THTPA: variants seen among roughly 807,000 people sequenced by gnomAD.
THTPA encodes the protein thiamine triphosphatase, also known as thiamine-triphosphatase.
Under a neutral mutation model 16.5 loss-of-function variants are expected in THTPA, and 16 were observed. The observed-to-expected ratio is 0.97, with a 90% CI of 0.66 to 1.47. THTPA has a LOEUF of 1.47. Among genes scored for constraint, THTPA ranks in the 40% most tolerant of loss-of-function variants. THTPA has a pLI of 0.00. For missense variants in THTPA, 281 were observed against 280.9 expected (o/e 1.00, Z 0.00); for synonymous variants, 110 against 115.5 (o/e 0.95, Z 0.30).
chr14:23,522,659 A>G, the THTPA span: 11 of 1,536,430 alleles, frequency 7.2e-6, no homozygotes, highest in Non-Finnish European at 9.6e-6. Context: ...CTGGCCCCCC[A>G]ACAGGGCTGG....
upstream of THTPA, among the ~76,000 whole-genome samples, chr14:23,554,537 C>A (rs1269817522): frequency 6.7e-6 from 1 of 149,426 alleles, no homozygotes; most frequent in Admixed American, 6.7e-5. Context: ...CTACCACACC[C>A]GGCTAATTAA....
the THTPA span, chr14:23,537,952 C>T: frequency 3.1e-3 from 477 of 152,836 alleles, 9 homozygotes; most frequent in South Asian, 0.037. Flanking sequence ...CTCTCCCAGC[C>T]GGCCCAAGTG....
the THTPA span, among the ~76,000 whole-genome samples, chr14:23,528,238 A>T: frequency 6.6e-6 from 1 of 152,216 alleles, no homozygotes; most frequent in African/African-American, 2.4e-5. Flanking sequence ...GGAACTAGCC[A>T]GATAGGAAGG....
the THTPA span, chr14:23,522,684 A>G: frequency 6.5e-7 from 1 of 1,536,546 alleles, no homozygotes; most frequent in Admixed American, 2.0e-5. Flanking sequence ...GTGGTCTTCA[A>G]TGCTTTGAGG....
chr14:23,515,966 G>A, the THTPA span, among the ~76,000 whole-genome samples: 14 of 152,262 alleles, frequency 9.2e-5, no homozygotes, highest in Non-Finnish European at 1.8e-4. Flanking sequence ...GGGGGTGGGA[G>A]TCGGGGTGAT....
Position 23,556,419 on chromosome 14 carries a change from C to T in THTPA, c.-339C>T. On this transcript the variant is annotated 5_prime_UTR_variant, in exon 1 of 2. Transcript: ENST00000288014. ...CTCCCGGGTCGTGAGCCAGTAGCCT[C>T]CTGGGGTGGCAAGGTGTAGAGAGGG... The T allele has an allele frequency of 3.6e-6, 1 of 280,650 alleles. No homozygotes were observed. Among genetic ancestry groups the T allele is most frequent in the Non-Finnish European group, 6.7e-6 (1 of 148,256 alleles). The allele number at this position is 280,650 out of a possible 1,614,324, so 17.4% of individuals were successfully genotyped here.
chr14:23,535,145 G>A, the THTPA span: 1 of 1,536,064 alleles, frequency 6.5e-7, no homozygotes, highest in Non-Finnish European at 8.7e-7. The surrounding 1 kb of genome is among the most constrained non-coding windows in gnomAD (Gnocchi z 4.5). Context: ...CCCGACTCCA[G>A]GAGCTGTCCC....
At chr14:23,526,437 G>A in the THTPA span, 128 of 1,536,354 alleles carry the variant, frequency 8.3e-5, no homozygotes, top group African/African-American at 1.6e-3. Flanking sequence ...GTCAGAGGGT[G>A]GCGAGAGTCA....
chr14:23,530,449 T>A, the THTPA span: 1 of 662,210 alleles, frequency 1.5e-6, no homozygotes. Flanking sequence ...TTTATAGAAG[T>A]CCAGCAGTAG....
the THTPA span, chr14:23,522,543 C>T: frequency 3.9e-6 from 6 of 1,527,126 alleles, no homozygotes; most frequent in Non-Finnish European, 5.3e-6. Flanking sequence ...GGAAATAGCC[C>T]CTTCTTCATG....
At position 23,556,769 on chromosome 14, in the gene THTPA, C is replaced by T. The variant is rs1882419174; in HGVS notation, c.12C>T (p.Gly4=). MAQ[G]LIEVERKFLP... ...CAATTGCAGGTAGCATGGCCCAGGGCTTGATTGAGGTGGAGCGAAAGTTCC... is the reference window on the plus strand; with the variant it reads ...CAATTGCAGGTAGCATGGCCCAGGGTTTGATTGAGGTGGAGCGAAAGTTCC... The change falls in exon 1 of 2, where the codon GGC becomes GGT. Residue 4 remains glycine (G), a synonymous_variant. Transcript: ENST00000288014. 1 of 1,613,082 alleles carries T rather than the reference C, an allele frequency of 6.2e-7. No homozygotes were observed. Among genetic ancestry groups the T allele is most frequent in the Non-Finnish European group, 8.5e-7 (1 of 1,179,600 alleles).
upstream of THTPA, among the ~76,000 whole-genome samples, chr14:23,552,617 T>C (rs1882061078): frequency 6.6e-6 from 1 of 150,510 alleles, no homozygotes; most frequent in African/African-American, 2.4e-5. Context: ...GTTTGTTTTT[T>C]TCTTGAGACA....
chr14:23,525,013 G>C, the THTPA span: 1 of 1,536,190 alleles, frequency 6.5e-7, no homozygotes, highest in Non-Finnish European at 8.7e-7. This position sits in a 1 kb window ranked among gnomAD's most constrained non-coding sequence, Gnocchi z 5.9. Flanking sequence ...GGGCATTCTG[G>C]AACCACACCA....
the THTPA span, among the ~76,000 whole-genome samples, chr14:23,516,621 T>C: frequency 2.0e-5 from 3 of 152,212 alleles, no homozygotes; most frequent in African/African-American, 7.2e-5. Flanking sequence ...CAAGAGATTA[T>C]TCTCTGTGAT....
At chr14:23,526,820 T>G in the THTPA span, 1 of 1,523,998 alleles carries the variant, frequency 6.6e-7, no homozygotes, top group South Asian at 1.2e-5. Flanking sequence ...CCTGGTACCT[T>G]GGGAGGTTTG....
the THTPA span, chr14:23,523,316 G>A: frequency 8.9e-6 from 13 of 1,452,884 alleles, no homozygotes; most frequent in Middle Eastern, 1.8e-4. The surrounding 1 kb of genome is among the most constrained non-coding windows in gnomAD (Gnocchi z 4.1). Context: ...CATGGAGGCA[G>A]GTGTGGTGGC....
upstream of THTPA, among the ~76,000 whole-genome samples, chr14:23,554,814 G>A (rs1882227278): frequency 6.6e-6 from 1 of 152,136 alleles, no homozygotes; most frequent in Non-Finnish European, 1.5e-5. Flanking sequence ...ATCATAGGAA[G>A]GAGTCCAGGA....
At chr14:23,540,045 T>C in the THTPA span, among the ~76,000 whole-genome samples, 2 of 152,246 alleles carry the variant, frequency 1.3e-5, no homozygotes, top group Non-Finnish European at 1.5e-5. Flanking sequence ...TGGAGTGCAG[T>C]GTCACCATCT....
In THTPA at chr14:23,559,048, C is replaced by T. The variant is rs1299145448; in HGVS notation, c.*208C>T. ...CATCCGTCAGATGCAATCTGTGGGC[C>T]GCCCCTCTCCCCTGGCCGCTAAGCA... On this transcript the variant is annotated 3_prime_UTR_variant, in exon 2 of 2. Coordinates refer to ENST00000288014, the MANE Select transcript of THTPA (RefSeq NM_024328.6). The T allele has an allele frequency of 6.6e-6, 4 of 601,592 alleles. No individual in the cohort carries two copies. The highest frequency in any genetic ancestry group is 3.0e-5 in the East Asian group (1 of 33,774). The allele number at this position is 601,592 out of a possible 1,614,324, so 37.3% of individuals were successfully genotyped here.
Sources: gnomAD v4.1 joint callset for allele counts (sites outside exome capture counted in the v4.1 genomes callset) on GRCh38, gnomAD v4.1.1 for gene constraint, Gnocchi (gnomAD v3.1) non-coding constraint, MANE v1.5 for transcripts, NCBI Gene and HGNC (gene_info 2026-07-23, HGNC 2026-07-21) for gene names.